FRAS1: variants seen among roughly 807,000 people sequenced by gnomAD.
FRAS1 encodes the protein extracellular matrix organizing protein FRAS1.
FRAS1 carries 290 observed loss-of-function variants against 435.2 expected under a neutral mutation model. The observed-to-expected ratio is 0.67, with a 90% CI of 0.61 to 0.73. The LOEUF (loss-of-function observed/expected upper bound fraction) is 0.73, where lower values mean the gene tolerates loss of function less well. Among genes scored for constraint, FRAS1 ranks in the 30% least tolerant of loss-of-function variants. The pLI is 0.00. For missense variants in FRAS1, 4,860 were observed against 5,001.5 expected (o/e 0.97, Z 0.85); for synonymous variants, 1,800 against 1,851.0 (o/e 0.97, Z 0.71).
At position 78,370,059 on chromosome 4, in the gene FRAS1, A is replaced by G. The variant is rs1246459200; in HGVS notation, c.2869+75A>G. 5 of 1,430,084 alleles carry G rather than the reference A, an allele frequency of 3.5e-6. No homozygotes were observed. The African/African-American group carries it at 5.6e-5, about 16-fold the overall frequency. 88.6% of individuals were successfully genotyped at this position (1,430,084 alleles called of 1,614,324 possible). ...CTTTACTACTGATGTCTAGTTTTCC[A>G]TATTGGGAAAACACCAGTCATCATA... On this transcript the variant is annotated intron_variant, in intron 23 of 73. Transcript: ENST00000512123.
chr4:78,199,823 T>A (rs1296065833), intron 2 of FRAS1, among the ~76,000 whole-genome samples: 1 of 152,204 alleles, frequency 6.6e-6, no homozygotes, highest in African/African-American at 2.4e-5. Context: ...TTTTAATAAT[T>A]TAATGAATGG....
At chr4:78,306,243 G>T (rs1728707494) in intron 14 of FRAS1, among the ~76,000 whole-genome samples, 1 of 151,618 alleles carries the variant, frequency 6.6e-6, no homozygotes, top group Admixed American at 6.6e-5. Flanking sequence ...CTGTTAGTCT[G>T]ATGGGCTTCC....
At chr4:78,456,138 C>CTTTT (rs753676442) in intron 47 of FRAS1, among the ~76,000 whole-genome samples, 4 of 51,482 alleles carry the variant, frequency 7.8e-5, no homozygotes, top group Admixed American at 2.0e-4. Context: ...ACACATGTCA[C>CTTTT]TTTTTTTTTT....
In FRAS1 at chr4:78,087,150, A is replaced by T. The variant is rs574886121; in HGVS notation, c.108+21134A>T. 2.0e-5 allele frequency among the ~76,000 whole-genome samples: 3 copies of T among 152,344 alleles called. No individual in the cohort carries two copies. In the South Asian group the frequency reaches 6.2e-4, roughly 32 times the overall value. On this transcript the variant is annotated intron_variant, in intron 2 of 73. Transcript: ENST00000512123. ...AAAATCAATGAACATAATCCAGCAT[A>T]TAAACAGAACCAAAGACAAAAACCA...
In FRAS1 at chr4:78,337,715, T is replaced by C; in HGVS notation, c.2320T>C (p.Ser774Pro). The change falls in exon 20 of 74, where the codon TCT becomes CCT. Residue 774 changes from serine (S) to proline (P), a missense_variant. Coordinates refer to ENST00000512123, the MANE Select transcript of FRAS1 (RefSeq NM_025074.7). ...TCRQCHGPLE[S>P]DCISCYPHIS... ...CAGGCAGTGTCATGGGCCGTTGGAG[T>C]CTGACTGCATCTCCTGTTACCCTCA... The C allele has an allele frequency of 6.2e-7, 1 of 1,613,774 alleles. No homozygotes were observed. Among genetic ancestry groups the C allele is most frequent in the South Asian group, 1.1e-5 (1 of 91,058 alleles).
intron 25 of FRAS1, 104 bp downstream of exon 25, chr4:78,374,355 A>G (rs541594912): frequency 1.2e-5 from 15 of 1,201,670 alleles, no homozygotes; most frequent in Non-Finnish European, 1.7e-5. Context: ...AGAAAGCAGA[A>G]TGAAAGCCCA....
intron 2 of FRAS1, among the ~76,000 whole-genome samples, chr4:78,131,076 T>C (rs1719659555): frequency 6.6e-6 from 1 of 152,190 alleles, no homozygotes. Flanking sequence ...TCTTAAGATA[T>C]GAACATTTTG....
At chr4:78,430,558 G>A in intron 37 of FRAS1, 141 bp downstream of exon 37, 1 of 885,068 alleles carries the variant, frequency 1.1e-6, no homozygotes, top group Non-Finnish European at 1.6e-6. Context: ...TAGTTTCATT[G>A]GCTTTGATAT....
In FRAS1 at chr4:78,493,170, A is replaced by T. The variant is rs1466943896; in HGVS notation, c.8959-3635A>T. Among the ~76,000 whole-genome samples, 5 of 152,190 alleles carry T rather than the reference A, an allele frequency of 3.3e-5. No homozygotes were observed. The East Asian group carries it at 5.8e-4, about 18-fold the overall frequency. On this transcript the variant is annotated intron_variant, in intron 59 of 73. Transcript: ENST00000512123. ...CAGGAAACAACAGATTCTGGAGAGG[A>T]TGTGGAGAAATAGGAACACTTTTAC... is the stretch of plus-strand genomic sequence containing the variant.
At chr4:78,178,972 G>T (rs116424700) in intron 2 of FRAS1, among the ~76,000 whole-genome samples, 1 of 152,114 alleles carries the variant, frequency 6.6e-6, no homozygotes, top group African/African-American at 2.4e-5. Flanking sequence ...GGGAGCGAAG[G>T]GCAGCCATGA....
At chr4:78,268,682 A>C (rs1006295993) in intron 9 of FRAS1, among the ~76,000 whole-genome samples, 9 of 152,224 alleles carry the variant, frequency 5.9e-5, no homozygotes, top group African/African-American at 1.9e-4. Flanking sequence ...ATCTGAACAA[A>C]GAGTCTCAGT....
intron 58 of FRAS1, among the ~76,000 whole-genome samples, chr4:78,487,836 G>C (rs187838437): frequency 4.6e-5 from 7 of 152,150 alleles, no homozygotes; most frequent in Admixed American, 3.9e-4. Flanking sequence ...CCAAAGTTTG[G>C]AAAGTCTAAG....
rs144308172 is a variant in FRAS1 at position 78,452,635 on chromosome 4, G to C, written c.6763+281G>C. Among the ~76,000 whole-genome samples, 541 of 152,286 alleles carry C rather than the reference G, an allele frequency of 3.6e-3. 4 individuals carry two copies. Among genetic ancestry groups the C allele is most frequent in the African/African-American group, 0.012 (510 of 41,570 alleles). On this transcript the variant is annotated intron_variant, in intron 47 of 73. Transcript: ENST00000512123. ...GGTAAATTCCTTTAGGGCAAACACT[G>C]CATCCTGCTTTTCATCTATACTCCC...
chr4:78,300,382 G>C (rs922612683), intron 14 of FRAS1, among the ~76,000 whole-genome samples: 4 of 152,166 alleles, frequency 2.6e-5, no homozygotes, highest in African/African-American at 9.7e-5. Context: ...CATTTGTAAA[G>C]CAGAAGCAGT....
chr4:78,203,848 G>A (rs1379237351), intron 2 of FRAS1, among the ~76,000 whole-genome samples: 1 of 152,288 alleles, frequency 6.6e-6, no homozygotes, highest in Admixed American at 6.5e-5. Flanking sequence ...GATTACAGGC[G>A]TGAGCCACCA....
chr4:78,354,972 T>G (rs1040121414), intron 20 of FRAS1, among the ~76,000 whole-genome samples: 1 of 152,212 alleles, frequency 6.6e-6, no homozygotes, highest in South Asian at 2.1e-4. Context: ...CTTTGTGATT[T>G]GAAGAAAGCA....
rs150859813 is a variant in FRAS1, at chr4:78,294,524, T to C, written c.1534+7985T>C. Reference sequence around the variant, plus strand: ...GGGCAGGAAATAGAAGAGATAACTTTACCAGATACTCCTGATGAGCTGAAT... The same window carrying C: ...GGGCAGGAAATAGAAGAGATAACTTCACCAGATACTCCTGATGAGCTGAAT... On this transcript the variant is annotated intron_variant, in intron 14 of 73. Coordinates refer to ENST00000512123, the MANE Select transcript of FRAS1 (RefSeq NM_025074.7). 5.7e-3 allele frequency among the ~76,000 whole-genome samples: 875 copies of C among 152,318 alleles called. 8 individuals carry two copies. The highest frequency in any genetic ancestry group is 0.02 in the African/African-American group (824 of 41,566).
chr4:78,335,905 T>G (rs79720033), intron 19 of FRAS1, among the ~76,000 whole-genome samples: 1 of 118,402 alleles, frequency 8.4e-6, no homozygotes, highest in Non-Finnish European at 1.7e-5. Context: ...GTGTGGTGGT[T>G]TTTTTTTTTT....
At chr4:78,231,612 C>A (rs1431240811) in intron 2 of FRAS1, among the ~76,000 whole-genome samples, 1 of 151,904 alleles carries the variant, frequency 6.6e-6, no homozygotes, top group Non-Finnish European at 1.5e-5. Flanking sequence ...GGTTATTACA[C>A]CATTTAGATG....
Sources: gnomAD v4.1 joint callset for allele counts (sites outside exome capture counted in the v4.1 genomes callset) on GRCh38, gnomAD v4.1.1 for gene constraint, MANE v1.5 for transcripts, NCBI Gene and HGNC (gene_info 2026-07-23, HGNC 2026-07-21) for gene names.